The following GARNL3 variants were observed in gnomAD, a reference collection of about 807,000 sequenced individuals.
GARNL3 encodes GTPase activating Rap/RanGAP domain like 3, also known as GTPase-activating Rap/Ran-GAP domain-like protein 3.
In GARNL3, 63 loss-of-function variants were observed where a neutral mutation model predicts 125.0. The observed-to-expected ratio is 0.50, with a 90% CI of 0.41 to 0.62. GARNL3 has a LOEUF of 0.62. GARNL3 is among the 20% of genes least tolerant of loss of function. The pLI is 0.00. For missense variants in GARNL3, 994 were observed against 1,244.0 expected, an observed-to-expected ratio of 0.80 and a Z score of 3.02; for synonymous variants, 439 against 457.5, an observed-to-expected ratio of 0.96 and a Z score of 0.52.
intron 24 of GARNL3, among the ~76,000 whole-genome samples, chr9:127,386,516 A>C (rs535782693): frequency 6.6e-6 from 1 of 152,268 alleles, no homozygotes; most frequent in African/African-American, 2.4e-5. Flanking sequence ...ATGGTGCAGT[A>C]TCTCTCCCCC....
intron 1 of GARNL3, among the ~76,000 whole-genome samples, chr9:127,241,285 C>T (rs2063199220): frequency 6.6e-6 from 1 of 151,866 alleles, no homozygotes; most frequent in South Asian, 2.1e-4. Context: ...TAAAATAAAT[C>T]TGGGAGGTTC....
intron 1 of GARNL3, among the ~76,000 whole-genome samples, chr9:127,228,113 T>C (rs2062944882): frequency 6.6e-6 from 1 of 152,248 alleles, no homozygotes; most frequent in Non-Finnish European, 1.5e-5. Context: ...GTGTAAGGAT[T>C]TCCACACATC....
At position 127,389,090 on chromosome 9, in the gene GARNL3, T is replaced by C; in HGVS notation, c.2714T>C (p.Ile905Thr). 6.2e-7 allele frequency: 1 copy of C among 1,614,038 alleles called. No homozygotes were observed. Among genetic ancestry groups the C allele is most frequent in the Non-Finnish European group, 8.5e-7 (1 of 1,179,976 alleles). Residue 905 changes from isoleucine (I) to threonine (T), a missense_variant, in exon 26 of 28, where the codon ATA (isoleucine) becomes ACA (threonine). Ile to Thr is a moderately conservative substitution (Grantham distance 89). Around this residue, in one of 5 missense-constraint regions of GARNL3, gnomAD observed 728 missense variants for 865.7 expected, o/e 0.84. Transcript: ENST00000373387. ...LSLSRMEIKE[I>T]ASRTRRELLG... is the part of the protein sequence containing the mutation. The stretch of plus-strand genomic sequence containing the variant: ...CTGTCTCGCATGGAGATCAAAGAAA[T>C]AGCAAGCAGGACCCGCAGGGAACTA...
At chr9:127,348,645 G>A (rs1194207959) in intron 16 of GARNL3, among the ~76,000 whole-genome samples, 10 of 152,306 alleles carry the variant, frequency 6.6e-5, no homozygotes, top group Middle Eastern at 6.8e-3. Flanking sequence ...AAACCATTAC[G>A]AATGCGTCAA....
At chr9:127,354,094 C>T in intron 18 of GARNL3, 150 bp downstream of exon 18, 1 of 689,234 alleles carries the variant, frequency 1.5e-6, no homozygotes. Flanking sequence ...TCAGTGGCCC[C>T]TTTGTTCTCT....
At position 127,359,776 on chromosome 9, in the gene GARNL3, C is replaced by A. The variant is rs185888959; in HGVS notation, c.2094+2399C>A. ...TAGAGAATATCATTTTATTAAATTTCTTTTATATGGTGGTTTTTATTATTT... is the reference window on the plus strand; with the variant it reads ...TAGAGAATATCATTTTATTAAATTTATTTTATATGGTGGTTTTTATTATTT... On this transcript the variant is annotated intron_variant, in intron 21 of 27. Transcript: ENST00000373387. 4.1e-3 allele frequency among the ~76,000 whole-genome samples: 627 copies of A among 152,142 alleles called. 2 individuals carry two copies. Among genetic ancestry groups the A allele is most frequent in the Non-Finnish European group, 7.3e-3 (496 of 67,992 alleles).
chr9:127,295,085 T>G (rs2064546870), intron 2 of GARNL3, among the ~76,000 whole-genome samples: 1 of 152,228 alleles, frequency 6.6e-6, no homozygotes, highest in African/African-American at 2.4e-5. Context: ...AAATTAAATA[T>G]GTGATCCTAC....
intron 1 of GARNL3, among the ~76,000 whole-genome samples, chr9:127,238,920 G>A (rs1048303964): frequency 2.0e-5 from 3 of 152,046 alleles, no homozygotes; most frequent in African/African-American, 4.8e-5. Flanking sequence ...ACTCCCTCCC[G>A]CTCTATCTGA....
At chr9:127,369,338 G>A (rs7871533) in intron 22 of GARNL3, among the ~76,000 whole-genome samples, 22,140 of 152,156 alleles carry the variant, frequency 0.15, 1,906 homozygotes, top group South Asian at 0.34. Flanking sequence ...CTGTACCCCC[G>A]TGGAGATGCC....
chr9:127,289,915 A>C, intron 1 of GARNL3, among the ~76,000 whole-genome samples: 1 of 152,204 alleles, frequency 6.6e-6, no homozygotes, highest in Non-Finnish European at 1.5e-5. Flanking sequence ...GAAATATAAA[A>C]ACTGAACCTA....
At chr9:127,336,622 T>A (rs1279611629) in intron 11 of GARNL3, among the ~76,000 whole-genome samples, 2 of 152,254 alleles carry the variant, frequency 1.3e-5, no homozygotes, top group African/African-American at 4.8e-5. Context: ...ATAATTTTTC[T>A]TGTTGATTTA....
chr9:127,306,583 C>T (rs570628755), intron 2 of GARNL3, among the ~76,000 whole-genome samples: 98 of 152,172 alleles, frequency 6.4e-4, no homozygotes, highest in South Asian at 8.3e-4. Context: ...AAAAATTAGC[C>T]GGGCGTGGTG....
rs757219038 is a variant in GARNL3 at position 127,393,069 on chromosome 9, C to T, written c.2871-14C>T. 2 of 1,581,418 alleles carry T rather than the reference C, an allele frequency of 1.3e-6. No homozygotes were observed. Among genetic ancestry groups the T allele is most frequent in the African/African-American group, 1.3e-5 (1 of 74,232 alleles). The stretch of plus-strand genomic sequence containing the variant: ...ACTCCCAAAGATCCTCTTACAGTGA[C>T]TTTTCTCTTCTAGGATCCCATCAGG... On this transcript the variant is annotated splice_polypyrimidine_tract_variant and intron_variant, in intron 27 of 27. Coordinates refer to ENST00000373387, the MANE Select transcript of GARNL3 (RefSeq NM_032293.5).
At chr9:127,357,735 C>G (rs534308188) in intron 21 of GARNL3, among the ~76,000 whole-genome samples, 23 of 150,688 alleles carry the variant, frequency 1.5e-4, no homozygotes, top group Middle Eastern at 3.4e-3. Flanking sequence ...CCCAGGAGTT[C>G]GAGACTGGTC....
intron 4 of GARNL3, among the ~76,000 whole-genome samples, chr9:127,316,867 C>T: frequency 6.6e-6 from 1 of 152,224 alleles, no homozygotes; most frequent in East Asian, 1.9e-4. Context: ...TTGTTCAGAG[C>T]TTGGACAGAT....
chr9:127,359,774 T>G (rs1359129901), intron 21 of GARNL3, among the ~76,000 whole-genome samples: 1 of 152,162 alleles, frequency 6.6e-6, no homozygotes, highest in Non-Finnish European at 1.5e-5. Flanking sequence ...TTTATTAAAT[T>G]TCTTTTATAT....
At chr9:127,315,001 A>G (rs966680481) in intron 4 of GARNL3, among the ~76,000 whole-genome samples, 5 of 152,228 alleles carry the variant, frequency 3.3e-5, no homozygotes. Flanking sequence ...CATACCTGGT[A>G]TTAGAGAAGC....
At chr9:127,383,645 T>C in intron 23 of GARNL3, 100 bp downstream of exon 23, 1 of 693,494 alleles carries the variant, frequency 1.4e-6, no homozygotes, top group South Asian at 1.9e-5. Flanking sequence ...TACTGCGAAA[T>C]TGCTATAAAT....
rs1829593625 is a variant in GARNL3 at position 127,337,071 on chromosome 9, G to A, written c.982+835G>A. On this transcript the variant is annotated intron_variant, in intron 11 of 27. Coordinates refer to ENST00000373387, the MANE Select transcript of GARNL3 (RefSeq NM_032293.5). Reference sequence around the variant, plus strand: ...TCCTTGTGACATAAAAATAGAGGATGGAAGTAAGTGTTTAAAAGTTAACAG... The same window carrying A: ...TCCTTGTGACATAAAAATAGAGGATAGAAGTAAGTGTTTAAAAGTTAACAG... 3.3e-5 allele frequency among the ~76,000 whole-genome samples: 5 copies of A among 152,194 alleles called. No homozygotes were observed. The South Asian group carries it at 1.0e-3, about 32-fold the overall frequency.
Sources: allele counts gnomAD v4.1 joint callset (sites outside exome capture counted in the v4.1 genomes callset), GRCh38; gene constraint gnomAD v4.1.1; regional missense constraint gnomAD v4.1.1; transcripts MANE v1.5; gene names NCBI Gene and HGNC (gene_info 2026-07-23, HGNC 2026-07-21).